Variants in ACACA observed in about 807,000 individuals in gnomAD.
ACACA encodes the protein acetyl-CoA carboxylase alpha.
A neutral mutation model predicts 296.1 loss-of-function variants in ACACA; 103 were observed. The observed-to-expected ratio is 0.35, with a 90% CI of 0.30 to 0.41. The LOEUF (loss-of-function observed/expected upper bound fraction) is 0.41. ACACA is among the 10% of genes least tolerant of loss of function. ACACA has a pLI of 1.00. For missense variants in ACACA, 1,554 were observed against 2,989.7 expected (o/e 0.52, Z 11.20); for synonymous variants, 953 against 1,038.6 (o/e 0.92, Z 1.58).
chr17:37,319,369 AT>A (rs1339698204), intron 3 of ACACA, among the ~76,000 whole-genome samples: 1 of 152,180 alleles, frequency 6.6e-6, no homozygotes, highest in Non-Finnish European at 1.5e-5. Flanking sequence ...GTATGACCTC[AT>A]TTTAGTAAAA....
chr17:37,109,225 A>T (rs552017009), intron 52 of ACACA, among the ~76,000 whole-genome samples: 85 of 152,358 alleles, frequency 5.6e-4, no homozygotes, highest in African/African-American at 2.0e-3. Flanking sequence ...TCCCTGAGAG[A>T]CAGGACTATA....
At chr17:37,173,118 A>T (rs1193254367) in intron 41 of ACACA, among the ~76,000 whole-genome samples, 4 of 152,222 alleles carry the variant, frequency 2.6e-5, no homozygotes, top group East Asian at 1.9e-4. Flanking sequence ...AAAACAATTT[A>T]AAAAATCTAA....
intron 3 of ACACA, among the ~76,000 whole-genome samples, chr17:37,295,304 C>T (rs1317377257): frequency 1.3e-5 from 2 of 152,112 alleles, no homozygotes; most frequent in African/African-American, 4.8e-5. Flanking sequence ...CTGAGATTCC[C>T]CTGTATGGAG....
chr17:37,243,361 C>T lies in ACACA; in HGVS notation c.2931+10G>A. 1 of 1,613,146 alleles carries T rather than the reference C, an allele frequency of 6.2e-7. No individual in the cohort carries two copies. Among genetic ancestry groups the T allele is most frequent in the Non-Finnish European group, 8.5e-7 (1 of 1,179,106 alleles). ...AGCCAGAAAAAAATATAGTGTTATC[C>T]TATAAATACCTGCTGGCTGGGAAAC... On this transcript the variant is annotated intron_variant, in intron 22 of 55. Transcript: ENST00000616317.
At chr17:37,130,013 T>C in intron 46 of ACACA, 62 bp downstream of exon 46, 1 of 1,589,498 alleles carries the variant, frequency 6.3e-7, no homozygotes, top group South Asian at 1.1e-5. Context: ...ACAGAGGCAG[T>C]GAGCTGTGGT....
chr17:37,288,820 G>C (rs1311109302), intron 3 of ACACA, among the ~76,000 whole-genome samples: 1 of 151,688 alleles, frequency 6.6e-6, no homozygotes, highest in Non-Finnish European at 1.5e-5. Context: ...AATCACTTGA[G>C]CCAGGAAGAC....
intron 3 of ACACA, among the ~76,000 whole-genome samples, chr17:37,328,278 A>C (rs996997675): frequency 6.6e-6 from 1 of 152,166 alleles, no homozygotes; most frequent in Non-Finnish European, 1.5e-5. Context: ...ATCAAAAAGT[A>C]TTTTGTGGCC....
At chr17:37,349,530 T>TGC (rs1282640640) in intron 1 of ACACA, among the ~76,000 whole-genome samples, 3 of 147,538 alleles carry the variant, frequency 2.0e-5, no homozygotes, top group East Asian at 4.0e-4. Context: ...TGTGTGTGTG[T>TGC]GCGCGCGTGT....
intron 41 of ACACA, among the ~76,000 whole-genome samples, chr17:37,173,371 C>T (rs1037190952): frequency 6.6e-6 from 1 of 152,142 alleles, no homozygotes; most frequent in African/African-American, 2.4e-5. Context: ...TTAAGAGGTC[C>T]AGCCTAAGAA....
intron 1 of ACACA, among the ~76,000 whole-genome samples, chr17:37,396,378 C>G (rs1459103851): frequency 6.6e-6 from 1 of 150,544 alleles, no homozygotes; most frequent in Non-Finnish European, 1.5e-5. Flanking sequence ...AAATATAAAA[C>G]ATATTTTGTA....
At chr17:37,375,323 A>C (rs1404378295) in intron 1 of ACACA, among the ~76,000 whole-genome samples, 1 of 152,126 alleles carries the variant, frequency 6.6e-6, no homozygotes, top group East Asian at 1.9e-4. Flanking sequence ...TGTCTCTACT[A>C]AAAATACAAA....
intron 1 of ACACA, among the ~76,000 whole-genome samples, chr17:37,342,421 AAAAAAAAAAAAAAAAAT>A (rs2048413032): frequency 1.6e-5 from 2 of 123,824 alleles, no homozygotes; most frequent in African/African-American, 6.4e-5. Context: ...AAAAAAAAAA[AAAAAAAAAAAAAAAAAT>A]ATATATATAT....
chr17:37,174,492 TGTAGAGGTGACCATCAAATTGCATTC>T (rs1238309318), intron 41 of ACACA, among the ~76,000 whole-genome samples: 1 of 152,094 alleles, frequency 6.6e-6, no homozygotes, highest in Non-Finnish European at 1.5e-5. Context: ...TGGTAGTGTG[TGTAGAGGTGACCATCAAATTGCATTC>T]AATTTTTTTT....
chr17:37,253,979 A>C (rs760833462), intron 14 of ACACA, among the ~76,000 whole-genome samples: 5 of 152,196 alleles, frequency 3.3e-5, no homozygotes, highest in Non-Finnish European at 7.3e-5. Context: ...AGTTAAGTGC[A>C]AAGTGATCCA....
Position 37,177,269 on chromosome 17 carries a change from CGTGTGT to C in ACACA, c.5079+1985_5079+1990del, listed in dbSNP as rs112439511. 7.5e-3 allele frequency among the ~76,000 whole-genome samples: 1,100 copies of C among 146,464 alleles called. 15 individuals carry two copies. Among genetic ancestry groups the C allele is most frequent in the African/African-American group, 0.024 (970 of 39,924 alleles). The stretch of plus-strand genomic sequence containing the variant: ...AAAAACCTTTAATTTTTAAAAAATT[CGTGTGT>C]GTGTGTGTGTGTGTGTGTGTGTGTG... On this transcript the variant is annotated intron_variant, in intron 41 of 55. Transcript: ENST00000616317.
chr17:37,118,206 C>T (rs2074350252), intron 50 of ACACA, among the ~76,000 whole-genome samples: 1 of 152,170 alleles, frequency 6.6e-6, no homozygotes, highest in African/African-American at 2.4e-5. Flanking sequence ...TAAGACAGAA[C>T]TTGCCCTGGT....
intron 1 of ACACA, among the ~76,000 whole-genome samples, chr17:37,354,884 G>A (rs960056840): frequency 1.3e-5 from 2 of 152,160 alleles, no homozygotes; most frequent in Non-Finnish European, 2.9e-5. Context: ...CAATGATCAC[G>A]TCACTGCACT....
chr17:37,195,396 T>C (rs2077948551), intron 35 of ACACA, among the ~76,000 whole-genome samples: 1 of 152,162 alleles, frequency 6.6e-6, no homozygotes, highest in South Asian at 2.1e-4. Context: ...TGAATGGAAA[T>C]GCCTTTAATA....
chr17:37,357,723 T>G (rs2049206720), intron 1 of ACACA, among the ~76,000 whole-genome samples: 1 of 152,280 alleles, frequency 6.6e-6, no homozygotes, highest in Admixed American at 6.5e-5. Context: ...CAGGCATCTA[T>G]CTGGACAGGT....
Sources: gnomAD v4.1 joint callset for allele counts (sites outside exome capture counted in the v4.1 genomes callset) on GRCh38, gnomAD v4.1.1 for gene constraint, MANE v1.5 for transcripts, NCBI Gene and HGNC (gene_info 2026-07-23, HGNC 2026-07-21) for gene names.